LAMA5: variants seen among roughly 807,000 people sequenced by gnomAD.
LAMA5 encodes the protein laminin subunit alpha-5.
In LAMA5, 260 loss-of-function variants were observed where a neutral mutation model predicts 433.4. That is an observed-to-expected ratio of 0.60 (90% CI 0.54 to 0.66). LAMA5 has a LOEUF of 0.66. LAMA5 is among the 30% of genes least tolerant of loss of function. The probability of loss-of-function intolerance (pLI) is 0.00; values close to 1 mark genes in which losing one functional copy is unlikely to be tolerated. For synonymous variants in LAMA5, 2,620 were observed against 2,226.6 expected (o/e 1.18, Z -4.97); for missense variants, 5,378 against 5,258.5 (o/e 1.02, Z -0.70).
intron 56 of LAMA5, 39 bp downstream of exon 56, chr20:62,316,843 G>A (rs372904763): frequency 2.3e-5 from 35 of 1,539,864 alleles, no homozygotes; most frequent in South Asian, 4.7e-5. Flanking sequence ...GGCAGTGGGG[G>A]CGCTCCTGCT....
At chr20:62,327,816 G>A (rs1255621218) in intron 36 of LAMA5, 50 bp downstream of exon 36, 1 of 1,578,372 alleles carries the variant, frequency 6.3e-7, no homozygotes, top group East Asian at 2.2e-5. Context: ...GACACTTTCA[G>A]CTGATGAGGC....
At chr20:62,353,021 C>CGGGT (rs1175572822) in intron 3 of LAMA5, 113 bp downstream of exon 3, 1 of 724,264 alleles carries the variant, frequency 1.4e-6, no homozygotes, top group African/African-American at 1.8e-5. Flanking sequence ...CCGCAGCAGC[C>CGGGT]GGGTGTGAGG....
intron 48 of LAMA5, among the ~76,000 whole-genome samples, chr20:62,321,117 G>A (rs1987656885): frequency 6.7e-6 from 1 of 148,234 alleles, no homozygotes; most frequent in Non-Finnish European, 1.5e-5. Flanking sequence ...GAGAAGGTAG[G>A]GCCAGCACAA....
intron 2 of LAMA5, among the ~76,000 whole-genome samples, chr20:62,360,241 G>A (rs1985825713): frequency 7.2e-6 from 1 of 139,440 alleles, no homozygotes; most frequent in Non-Finnish European, 1.5e-5. Context: ...GTGCAGGTGT[G>A]GAGGGAGGAA....
chr20:62,330,521 C>T lies in LAMA5; in HGVS notation c.3946G>A (p.Glu1316Lys). 6 of 1,572,830 alleles carry T rather than the reference C, an allele frequency of 3.8e-6. No individual in the cohort carries two copies. Among genetic ancestry groups the T allele is most frequent in the Non-Finnish European group, 5.2e-6 (6 of 1,159,660 alleles). Residue 1316 changes from glutamate (E) to lysine (K), a missense_variant, in exon 31 of 80, where the codon GAA (glutamate) becomes AAA (lysine). Physicochemically the swap from Glu to Lys is moderately conservative, Grantham distance 56. Coordinates refer to ENST00000252999, the MANE Select transcript of LAMA5 (RefSeq NM_005560.6). Reference protein sequence around the residue: ...YQPAHPTFPVEVLINAGRVWQ... With the variant: ...YQPAHPTFPVKVLINAGRVWQ... ...ACGCGGCCGGCGTTGATGAGGACTT[C>T]CACGGGGAAGGTGGGGTGGGCTGGC...
At position 62,323,541 on chromosome 20, in the gene LAMA5, G is replaced by A; in HGVS notation, c.5979C>T (p.Gly1993=). The change falls in exon 45 of 80, where the codon GGC becomes GGT. Residue 1993 remains glycine, a synonymous_variant. Transcript: ENST00000252999. ...GGGGCCCAGTGGTGTGGCGCAGGCA[G>A]CCACGGCAGGCGCCCGTCAGGGGGT... is the stretch of plus-strand genomic sequence containing the variant. The part of the protein sequence containing the change: ...DCDPLTGACR[G]CLRHTTGPRC... The A allele has an allele frequency of 1.9e-6, 3 of 1,588,186 alleles. No homozygotes were observed. Among genetic ancestry groups the A allele is most frequent in the Non-Finnish European group, 2.6e-6 (3 of 1,170,218 alleles).
intron 28 of LAMA5, among the ~76,000 whole-genome samples, chr20:62,331,678 G>A (rs915560774): frequency 6.6e-6 from 1 of 152,208 alleles, no homozygotes; most frequent in Admixed American, 6.5e-5. Flanking sequence ...ATGTGAGGTT[G>A]GTGTCTCGGA....
At position 62,341,826 on chromosome 20, in the gene LAMA5, CAAA is replaced by C. The variant is rs11466846; in HGVS notation, c.1478-3221_1478-3219del. Among the ~76,000 whole-genome samples, 432 of 128,098 alleles carry C rather than the reference CAAA, an allele frequency of 3.4e-3. 1 individual carries two copies. Among genetic ancestry groups the C allele is most frequent in the Middle Eastern group, 7.4e-3 (2 of 270 alleles). 84.0% of individuals were successfully genotyped at this position (128,098 alleles called of 152,430 possible). A position where few individuals can be genotyped will look rare whatever the true frequency, so the allele number is the denominator to read the frequency against. On this transcript the variant is annotated intron_variant, in intron 11 of 79. Coordinates refer to ENST00000252999, the MANE Select transcript of LAMA5 (RefSeq NM_005560.6). Reference sequence around the variant, plus strand: ...CGAACCTCTGTTAGGTCTGATCAACCAAAAAAAAAAAAAAAAAAAAAGAAGAAG... The same window carrying C: ...CGAACCTCTGTTAGGTCTGATCAACCAAAAAAAAAAAAAAAAAAGAAGAAG...
intron 6 of LAMA5, among the ~76,000 whole-genome samples, chr20:62,348,975 A>G (rs564543877): frequency 6.6e-6 from 1 of 152,196 alleles, no homozygotes; most frequent in Non-Finnish European, 1.5e-5. Flanking sequence ...TCTTGAATTA[A>G]TAATGAACAC....
chr20:62,310,098 G>A lies in LAMA5; in HGVS notation c.10735-17C>T, dbSNP rs1334445937. 29 of 1,610,894 alleles carry A rather than the reference G, an allele frequency of 1.8e-5. No homozygotes were observed. The highest frequency in any genetic ancestry group is 5.0e-5 in the Admixed American group (3 of 59,952). ...CAGCAGGACCTGGCGGGGTAGGAAG[G>A]GAGGGTCAGGCTATGCCCCCGAGGT... On this transcript the variant is annotated splice_polypyrimidine_tract_variant and intron_variant, in intron 77 of 79. Coordinates refer to ENST00000252999, the MANE Select transcript of LAMA5 (RefSeq NM_005560.6).
chr20:62,318,417 AGAG>A, intron 53 of LAMA5, 34 bp downstream of exon 53: 1 of 1,499,548 alleles, frequency 6.7e-7, no homozygotes, highest in South Asian at 1.1e-5. Flanking sequence ...GGAGGCGGGA[AGAG>A]GAGCAGGAGG....
chr20:62,314,644 T>C lies in LAMA5; in HGVS notation c.8278A>G (p.Thr2760Ala). The C allele has an allele frequency of 6.2e-7, 1 of 1,612,600 alleles. No homozygotes were observed. Among genetic ancestry groups the C allele is most frequent in the Non-Finnish European group, 8.5e-7 (1 of 1,179,930 alleles). The change falls in exon 61 of 80, where the codon ACT (threonine) becomes GCT (alanine). Residue 2760 changes from threonine to alanine, a missense_variant. Transcript: ENST00000252999. ...CCCTGCAGGTAGAACTTGAGGGCAG[T>C]GTAGGCAGCAAGGTCGGCAAGATCC... ...PRDLADLAAY[T>A]ALKFYLQGPE...
chr20:62,341,060 A>G (rs1329330807), intron 11 of LAMA5, among the ~76,000 whole-genome samples: 1 of 150,464 alleles, frequency 6.6e-6, no homozygotes, highest in Non-Finnish European at 1.5e-5. Context: ...ATAAATAAAT[A>G]AATAAATAAA....
At chr20:62,336,838 G>GC (rs1981719859) in intron 16 of LAMA5, 52 bp from the exon 17 acceptor site, 2 of 1,584,566 alleles carry the variant, frequency 1.3e-6, no homozygotes, top group East Asian at 4.5e-5. Context: ...AACCCGGAAG[G>GC]CCAAGGGTGT....
rs1462830495 is a variant in LAMA5, at chr20:62,333,612, C to T, written c.2973G>A (p.Leu991=). Residue 991 remains leucine, a synonymous_variant, in exon 24 of 80, where the codon CTG becomes CTA. Coordinates refer to ENST00000252999, the MANE Select transcript of LAMA5 (RefSeq NM_005560.6). ...CACGCAGGGCCCAGGTGCCAGGGTT[C>T]AGCACAAAGGGCTCTCCGAAGCCCC... The part of the protein sequence containing the change: ...PQRGFGEPFV[L]NPGTWALRVE... The T allele has an allele frequency of 1.9e-6, 3 of 1,577,096 alleles. No homozygotes were observed. The highest frequency in any genetic ancestry group is 2.6e-6 in the Non-Finnish European group (3 of 1,161,928).
In LAMA5 at chr20:62,332,594, G is replaced by GA. The variant is rs753490311; in HGVS notation, c.3405_3406insT (p.Gln1136SerfsTer58). The GA allele has an allele frequency of 6.3e-7, 1 of 1,594,070 alleles. No individual in the cohort carries two copies. Among genetic ancestry groups the GA allele is most frequent in the South Asian group, 1.1e-5 (1 of 89,794 alleles). The stretch of plus-strand genomic sequence containing the variant: ...GGGTGCAGGGAGAGCAGCCCCTGCT[G>GA]GGGGGCCCGCTGTGGGGTGTGCACG... On this transcript the variant is annotated frameshift_variant, in exon 27 of 80. Transcript: ENST00000252999. LOFTEE classifies it high-confidence loss of function.
chr20:62,360,774 A>G (rs977722095), intron 2 of LAMA5, among the ~76,000 whole-genome samples: 10 of 151,804 alleles, frequency 6.6e-5, no homozygotes, highest in Non-Finnish European at 1.2e-4. Context: ...AGACGCTCAC[A>G]TGGCGGAACC....
At position 62,311,083 on chromosome 20, in the gene LAMA5, G is replaced by A. The variant is rs1286528023; in HGVS notation, c.10100C>T (p.Ser3367Phe). The A allele has an allele frequency of 3.2e-6, 5 of 1,582,178 alleles. No homozygotes were observed. Among genetic ancestry groups the A allele is most frequent in the Middle Eastern group, 1.7e-4 (1 of 5,892 alleles). The stretch of plus-strand genomic sequence containing the variant: ...GGAGCTTCGCGGGAGGACGTGCATG[G>A]AGAGACTGGGCCTGGAAGCGGAGCT... ...LARHRNWPSL[S>F]MHVLPRSSRG... Residue 3367 changes from serine to phenylalanine, a missense_variant, in exon 74 of 80, where the codon TCC becomes TTC. Physicochemically the swap from Ser to Phe is radical, Grantham distance 155. Transcript: ENST00000252999.
Position 62,323,702 on chromosome 20 carries a change from G to A in LAMA5, c.5850-32C>T, listed in dbSNP as rs1445164941. The A allele has an allele frequency of 1.9e-6, 3 of 1,592,492 alleles. No individual in the cohort carries two copies. The East Asian group carries it at 6.8e-5, about 36-fold the overall frequency. On this transcript the variant is annotated intron_variant, in intron 44 of 79. Coordinates refer to ENST00000252999, the MANE Select transcript of LAMA5 (RefSeq NM_005560.6). ...GCAGGGTGGGGAGGGGCCGTCAGTG[G>A]CCCGTGGCGCCCACCCTCGCATATC... is the stretch of plus-strand genomic sequence containing the variant.
Sources: allele counts gnomAD v4.1 joint callset (sites outside exome capture counted in the v4.1 genomes callset), GRCh38; gene constraint gnomAD v4.1.1; transcripts MANE v1.5; gene names NCBI Gene and HGNC (gene_info 2026-07-23, HGNC 2026-07-21).